The following DNAJC12 variants were observed in gnomAD, a reference collection of about 807,000 sequenced individuals.
The protein encoded by DNAJC12 is DnaJ heat shock protein family (Hsp40) member C12.
In DNAJC12, 25 loss-of-function variants were observed where a neutral mutation model predicts 28.5. That is an observed-to-expected ratio of 0.88 (90% CI 0.64 to 1.22). The LOEUF is 1.22. Among genes scored for constraint, DNAJC12 ranks in the 50% most tolerant of loss-of-function variants. DNAJC12 has a pLI of 0.00. For synonymous variants in DNAJC12, 77 were observed against 80.6 expected, an observed-to-expected ratio of 0.95 and a Z score of 0.24; for missense variants, 222 against 231.7, an observed-to-expected ratio of 0.96 and a Z score of 0.27.
chr10:67,803,597 C>A (rs1589602632), intron 4 of DNAJC12, among the ~76,000 whole-genome samples: 1 of 152,144 alleles, frequency 6.6e-6, no homozygotes, highest in African/African-American at 2.4e-5. Context: ...GCTCAAGAGG[C>A]CTCAGCATCA....
Position 67,838,065 on chromosome 10 carries a change from TC to T in DNAJC12, c.-55del, listed in dbSNP as rs1554886186. On this transcript the variant is annotated 5_prime_UTR_variant, in exon 1 of 5. Coordinates refer to ENST00000225171, the MANE Select transcript of DNAJC12 (RefSeq NM_021800.3). Reference sequence around the variant, plus strand: ...TCGGAAACAAGAGGCACAGTGAGCTTCGAATTAACAGGAAGAAACTCTTTAA... The same window carrying T: ...TCGGAAACAAGAGGCACAGTGAGCTTGAATTAACAGGAAGAAACTCTTTAA... The T allele has an allele frequency of 1.6e-6, 2 of 1,223,570 alleles. No homozygotes were observed. Among genetic ancestry groups the T allele is most frequent in the Non-Finnish European group, 2.4e-6 (2 of 843,260 alleles). 75.8% of individuals were successfully genotyped at this position (1,223,570 alleles called of 1,614,324 possible). A position where few individuals can be genotyped will look rare whatever the true frequency, so the allele number is the denominator to read the frequency against.
At chr10:67,817,051 T>TC (rs1326635197) in intron 2 of DNAJC12, among the ~76,000 whole-genome samples, 1 of 151,986 alleles carries the variant, frequency 6.6e-6, no homozygotes, top group African/African-American at 2.4e-5. Context: ...ATTTACTTTT[T>TC]TTTTTTTCAG....
intron 2 of DNAJC12, among the ~76,000 whole-genome samples, chr10:67,812,602 G>T (rs1420890875): frequency 6.6e-6 from 1 of 150,920 alleles, no homozygotes; most frequent in Non-Finnish European, 1.5e-5. Flanking sequence ...CCGGCACTTC[G>T]GGAGGACAAG....
chr10:67,819,729 A>T (rs1481205153), intron 2 of DNAJC12, among the ~76,000 whole-genome samples: 1 of 21,974 alleles, frequency 4.6e-5, no homozygotes, highest in African/African-American at 1.8e-4. Context: ...CAAGGAAGGA[A>T]GGAAGGAAGG....
At chr10:67,798,039 C>CAAAAA (rs759359409) in intron 4 of DNAJC12, among the ~76,000 whole-genome samples, 1,904 of 124,274 alleles carry the variant, frequency 0.015, 24 homozygotes, top group Non-Finnish European at 0.021. Flanking sequence ...GATTCTGTCT[C>CAAAAA]AGAAAAAAAA....
intron 2 of DNAJC12, among the ~76,000 whole-genome samples, chr10:67,817,887 A>G (rs1272824764): frequency 6.6e-6 from 1 of 151,338 alleles, no homozygotes; most frequent in Admixed American, 6.6e-5. Context: ...CCCCAAAAAA[A>G]TAAAAAATAA....
At chr10:67,837,243 T>A (rs1162808360) in intron 1 of DNAJC12, among the ~76,000 whole-genome samples, 1 of 152,070 alleles carries the variant, frequency 6.6e-6, no homozygotes, top group Non-Finnish European at 1.5e-5. Flanking sequence ...GAGATTAATA[T>A]GCCAAAATAT....
chr10:67,815,026 T>A (rs1486068067), intron 2 of DNAJC12, among the ~76,000 whole-genome samples: 1 of 152,132 alleles, frequency 6.6e-6, no homozygotes, highest in Non-Finnish European at 1.5e-5. Context: ...AATGAAAACA[T>A]ATGTCCACAC....
chr10:67,827,761 T>C (rs538832879), intron 1 of DNAJC12: 268 of 152,322 alleles, frequency 1.8e-3, no homozygotes, highest in African/African-American at 6.3e-3. Context: ...TCAGTTTGTT[T>C]ACATGCGTGA....
rs749235473 is a variant in DNAJC12 at position 67,823,333 on chromosome 10, A to G, written c.138T>C (p.His46=). The change falls in exon 2 of 5, where the codon CAT becomes CAC. Residue 46 remains histidine, a synonymous_variant. Coordinates refer to ENST00000225171, the MANE Select transcript of DNAJC12 (RefSeq NM_021800.3). ...VRALECHPDK[H]PENPKAVETF... is the part of the protein sequence containing the mutation. Reference sequence around the variant, plus strand: ...TCTTACCAGCTTTGGGGTTTTCAGGATGCTTGTCTGGGTGACATTCCAGAG... The same window carrying G: ...TCTTACCAGCTTTGGGGTTTTCAGGGTGCTTGTCTGGGTGACATTCCAGAG... 3 of 1,613,958 alleles carry G rather than the reference A, an allele frequency of 1.9e-6. No individual in the cohort carries two copies. Among genetic ancestry groups the G allele is most frequent in the African/African-American group, 1.3e-5 (1 of 74,906 alleles).
At chr10:67,828,670 C>A (rs1278353225) in intron 1 of DNAJC12, among the ~76,000 whole-genome samples, 8 of 151,360 alleles carry the variant, frequency 5.3e-5, no homozygotes, top group African/African-American at 1.9e-4. Context: ...CTCTCTCTCT[C>A]TCTCTATATA....
intron 4 of DNAJC12, among the ~76,000 whole-genome samples, chr10:67,803,211 T>A (rs1039669000): frequency 1.3e-5 from 2 of 152,104 alleles, no homozygotes; most frequent in African/African-American, 4.8e-5. Context: ...ATTATATAAC[T>A]AAGAAGACAT....
At chr10:67,833,973 C>T (rs1842118868) in intron 1 of DNAJC12, 1 of 458,252 alleles carries the variant, frequency 2.2e-6, no homozygotes, top group Non-Finnish European at 4.5e-6. Flanking sequence ...AGGGGTAAGC[C>T]CTACTGCCAA....
intron 1 of DNAJC12, chr10:67,833,996 A>G: frequency 2.2e-6 from 1 of 456,936 alleles, no homozygotes; most frequent in Non-Finnish European, 4.5e-6. Flanking sequence ...AAGGGAAAAT[A>G]AGAGATGCTC....
intron 2 of DNAJC12, among the ~76,000 whole-genome samples, chr10:67,819,800 G>T: frequency 6.7e-6 from 1 of 149,046 alleles, no homozygotes; most frequent in African/African-American, 2.5e-5. Flanking sequence ...AAGGAAGGAA[G>T]GAAGGAAGGA....
chr10:67,820,764 A>G (rs866290338), intron 2 of DNAJC12, among the ~76,000 whole-genome samples: 1 of 137,046 alleles, frequency 7.3e-6, no homozygotes, highest in South Asian at 2.3e-4. Context: ...CAAGGAAAAC[A>G]TTTTCTTTTT....
chr10:67,833,770 G>A (rs1018947833), intron 1 of DNAJC12: 36 of 482,832 alleles, frequency 7.5e-5, no homozygotes, highest in Non-Finnish European at 1.1e-4. Flanking sequence ...GCCATGGCCA[G>A]TACAATGGTA....
chr10:67,800,279 C>T (rs1841729452), intron 4 of DNAJC12, among the ~76,000 whole-genome samples: 1 of 150,370 alleles, frequency 6.7e-6, no homozygotes, highest in African/African-American at 2.5e-5. Flanking sequence ...GGGAGGTAAT[C>T]CCAGGTGGCA....
At chr10:67,800,167 A>G (rs1841726951) in intron 4 of DNAJC12, among the ~76,000 whole-genome samples, 1 of 142,400 alleles carries the variant, frequency 7.0e-6, no homozygotes, top group Non-Finnish European at 1.5e-5. Flanking sequence ...GGCTGCAGTG[A>G]GTCGTGATCA....
Sources: allele counts gnomAD v4.1 joint callset (sites outside exome capture counted in the v4.1 genomes callset), GRCh38; gene constraint gnomAD v4.1.1; transcripts MANE v1.5; gene names NCBI Gene and HGNC (gene_info 2026-07-23, HGNC 2026-07-21).